Variants in DNAJC24 observed in about 807,000 individuals in gnomAD.
DNAJC24 encodes dnaJ homolog subfamily C member 24.
In DNAJC24, 17 loss-of-function variants were observed where a neutral mutation model predicts 18.0. The observed-to-expected ratio is 0.94, with a 90% CI of 0.65 to 1.42. The LOEUF (loss-of-function observed/expected upper bound fraction) is 1.42, where lower values mean the gene tolerates loss of function less well. DNAJC24 is among the 40% of genes most tolerant of loss of function. The probability of loss-of-function intolerance (pLI) is 0.00; values close to 1 mark genes in which losing one functional copy is unlikely to be tolerated. For synonymous variants in DNAJC24, 55 were observed against 57.7 expected (o/e 0.95, Z 0.21); for missense variants, 158 against 175.6 (o/e 0.90, Z 0.57).
intron 2 of DNAJC24, among the ~76,000 whole-genome samples, chr11:31,390,216 C>A (rs549967358): frequency 1.1e-4 from 16 of 151,820 alleles, no homozygotes; most frequent in Non-Finnish European, 1.6e-4. Context: ...GCCAACATGG[C>A]GGAACCCTGT....
intron 3 of DNAJC24, among the ~76,000 whole-genome samples, chr11:31,424,222 A>G (rs909939487): frequency 6.6e-6 from 1 of 152,132 alleles, no homozygotes; most frequent in Non-Finnish European, 1.5e-5. Context: ...TCTTGTCATT[A>G]TTTCTCTTGT....
At chr11:31,370,365 C>A (rs1306911971) in intron 1 of DNAJC24, among the ~76,000 whole-genome samples, 1 of 152,038 alleles carries the variant, frequency 6.6e-6, no homozygotes, top group African/African-American at 2.4e-5. Flanking sequence ...GCTCCTCCAG[C>A]GTGTTTAGTG....
chr11:31,388,552 CT>C (rs1327734297), intron 2 of DNAJC24, among the ~76,000 whole-genome samples: 1 of 152,092 alleles, frequency 6.6e-6, no homozygotes. Flanking sequence ...GAAATAAAGA[CT>C]TTTCCAGACA....
chr11:31,370,506 C>T (rs942571168), intron 1 of DNAJC24, among the ~76,000 whole-genome samples: 2 of 151,848 alleles, frequency 1.3e-5, no homozygotes, highest in African/African-American at 4.8e-5. Context: ...AAATATATAT[C>T]GTGAAATACC....
chr11:31,429,493 G>A (rs1181604205), intron 4 of DNAJC24: 1 of 397,714 alleles, frequency 2.5e-6, no homozygotes, highest in African/African-American at 2.0e-5. Flanking sequence ...TTACTTCTCA[G>A]AGACAGTAAA....
chr11:31,412,275 A>G (rs1223275251), intron 2 of DNAJC24, among the ~76,000 whole-genome samples: 1 of 152,118 alleles, frequency 6.6e-6, no homozygotes, highest in Non-Finnish European at 1.5e-5. Context: ...CAGACTTCCT[A>G]TATTGGCCCA....
rs77207967 is a variant in DNAJC24 at position 31,402,827 on chromosome 11, T to C, written c.112-11984T>C. On this transcript the variant is annotated intron_variant, in intron 2 of 4. Coordinates refer to ENST00000465995, the MANE Select transcript of DNAJC24 (RefSeq NM_181706.5). ...ACCTGGTTCCACTTTATAAAGTTTA[T>C]AAAGTAGGTTAGTTTACAACAGCAT... Among the ~76,000 whole-genome samples, 884 of 152,286 alleles carry C rather than the reference T, an allele frequency of 5.8e-3. 8 individuals carry two copies. The highest frequency in any genetic ancestry group is 0.021 in the African/African-American group (852 of 41,544).
intron 2 of DNAJC24, among the ~76,000 whole-genome samples, chr11:31,379,328 A>G (rs141375063): frequency 2.6e-4 from 39 of 152,300 alleles, no homozygotes; most frequent in African/African-American, 8.4e-4. Context: ...TGTAGGTCGC[A>G]CATTCCTTAT....
intron 4 of DNAJC24, among the ~76,000 whole-genome samples, chr11:31,429,079 C>G (rs879800301): frequency 6.6e-6 from 1 of 151,966 alleles, no homozygotes; most frequent in Non-Finnish European, 1.5e-5. Context: ...TCAGAACATG[C>G]TGTAGTACAT....
At chr11:31,399,414 C>CTTTT (rs568328386) in intron 2 of DNAJC24, among the ~76,000 whole-genome samples, 4 of 138,450 alleles carry the variant, frequency 2.9e-5, no homozygotes, top group Non-Finnish European at 4.7e-5. Context: ...TCTTAATTCT[C>CTTTT]TTTTTTTTTT....
chr11:31,405,903 G>C (rs930913651), intron 2 of DNAJC24, among the ~76,000 whole-genome samples: 1 of 152,160 alleles, frequency 6.6e-6, no homozygotes, highest in Admixed American at 6.5e-5. Context: ...CTGCTACATA[G>C]GCAAAAGGGG....
In DNAJC24 at chr11:31,406,138, C is replaced by G. The variant is rs560799666; in HGVS notation, c.112-8673C>G. 1.6e-3 allele frequency among the ~76,000 whole-genome samples: 242 copies of G among 152,184 alleles called. 1 individual carries two copies. The highest frequency in any genetic ancestry group is 5.6e-3 in the African/African-American group (232 of 41,510). On this transcript the variant is annotated intron_variant, in intron 2 of 4. Transcript: ENST00000465995. ...AATGTATTCTTTTGAATGCATTCCT[C>G]TTAGTGTTTGTTTCCTCTATATCTC...
At position 31,410,814 on chromosome 11, in the gene DNAJC24, C is replaced by T. The variant is rs567534967; in HGVS notation, c.112-3997C>T. Among the ~76,000 whole-genome samples the T allele has an allele frequency of 2.4e-4, 37 of 152,264 alleles. 1 individual carries two copies. The highest frequency in any genetic ancestry group is 8.2e-4 in the African/African-American group (34 of 41,536). ...GGCAGCCTTGTTGAAACTCAGTTGA[C>T]CATATATGTATGGTCTGTTTCTAGG... On this transcript the variant is annotated intron_variant, in intron 2 of 4. Coordinates refer to ENST00000465995, the MANE Select transcript of DNAJC24 (RefSeq NM_181706.5).
At chr11:31,380,288 A>G (rs1257387468) in intron 2 of DNAJC24, among the ~76,000 whole-genome samples, 1 of 152,250 alleles carries the variant, frequency 6.6e-6, no homozygotes, top group East Asian at 1.9e-4. Context: ...ACAGAAAAGT[A>G]GAACAAAGAC....
intron 2 of DNAJC24, among the ~76,000 whole-genome samples, chr11:31,399,798 G>T (rs1952582880): frequency 7.6e-6 from 1 of 131,844 alleles, no homozygotes; most frequent in South Asian, 2.4e-4. Flanking sequence ...GAATGTGCAG[G>T]TTTGTTACAT....
intron 4 of DNAJC24, among the ~76,000 whole-genome samples, chr11:31,428,309 C>T (rs1391320521): frequency 6.6e-6 from 1 of 152,076 alleles, no homozygotes; most frequent in East Asian, 1.9e-4. Context: ...CTTAGGTTTT[C>T]ATAACTAAAG....
intron 1 of DNAJC24, among the ~76,000 whole-genome samples, 175 bp downstream of exon 1, chr11:31,370,087 GTC>G (rs1212439292): frequency 6.6e-6 from 1 of 152,238 alleles, no homozygotes; most frequent in East Asian, 1.9e-4. Flanking sequence ...TCCTGGTAGG[GTC>G]TCTCTTCTGG....
chr11:31,421,824 AAAAC>A (rs926656068), intron 3 of DNAJC24: 1 of 202,102 alleles, frequency 4.9e-6, no homozygotes, highest in African/African-American at 2.4e-5. Flanking sequence ...GAGCTGAAAA[AAAAC>A]CTTTCCTCTT....
intron 3 of DNAJC24, chr11:31,417,252 G>C (rs1421673114): frequency 6.6e-6 from 1 of 152,080 alleles, no homozygotes; most frequent in Non-Finnish European, 1.5e-5. Context: ...GGTAAGAAGA[G>C]TATCCAAATA....
Sources: gnomAD v4.1 joint callset for allele counts (sites outside exome capture counted in the v4.1 genomes callset) on GRCh38, gnomAD v4.1.1 for gene constraint, MANE v1.5 for transcripts, NCBI Gene and HGNC (gene_info 2026-07-23, HGNC 2026-07-21) for gene names.